Variants in AMD1 observed in about 807,000 individuals in gnomAD.
AMD1 encodes adenosylmethionine decarboxylase 1.
Under a neutral mutation model 40.2 loss-of-function variants are expected in AMD1, and 11 were observed. The ratio of observed to expected loss-of-function variants is 0.27; its 90% CI spans 0.17 to 0.45. The LOEUF (loss-of-function observed/expected upper bound fraction) is 0.45. Ranked by LOEUF, AMD1 falls within the 20% of genes least tolerant of loss-of-function variation. The pLI is 1.00. For missense variants in AMD1, 257 were observed against 410.2 expected (o/e 0.63, Z 3.23); for synonymous variants, 121 against 130.8 (o/e 0.93, Z 0.51).
At chr6:110,861,214 C>T in the AMD1 span, among the ~76,000 whole-genome samples, 5 of 152,132 alleles carry the variant, frequency 3.3e-5, no homozygotes, top group South Asian at 8.3e-4. Context: ...AAAAATTAGC[C>T]GGGCGTAGTG....
the AMD1 span, chr6:110,858,656 G>A: frequency 1.7e-6 from 2 of 1,178,998 alleles, no homozygotes; most frequent in African/African-American, 1.5e-5. Context: ...GCAGAGCGGG[G>A]TGGACATCGG....
the AMD1 span, among the ~76,000 whole-genome samples, chr6:110,860,870 C>CACAGAGAG: frequency 1.4e-5 from 2 of 142,680 alleles, no homozygotes; most frequent in South Asian, 2.2e-4. Context: ...CACACACACA[C>CACAGAGAG]AGAGAGAGAG....
the AMD1 span, among the ~76,000 whole-genome samples, chr6:110,855,728 C>T: frequency 6.6e-6 from 1 of 152,110 alleles, no homozygotes; most frequent in African/African-American, 2.4e-5. Context: ...CTTTTAAAAA[C>T]TGTTCCATCA....
At chr6:110,816,011 T>C in the AMD1 span, 1 of 152,206 alleles carries the variant, frequency 6.6e-6, no homozygotes, top group Non-Finnish European at 1.5e-5. Flanking sequence ...TCTTGATTGG[T>C]GATTGGATGT....
Position 110,875,164 on chromosome 6 carries a change from G to T in AMD1, c.59G>T (p.Arg20Leu). ...TEKLLEVWFS[R>L]QQPDANQGSG... ...AAGCTGCTGGAGGTTTGGTTCTCCC[G>T]GCAGCAGCCCGACGCAAACCAAGGA... Residue 20 changes from arginine to leucine, a missense_variant, in exon 1 of 9, where the codon CGG becomes CTG. By Grantham distance (102) the Arg-to-Leu change is moderately radical. Transcript: ENST00000368885. 1 of 1,613,318 alleles carries T rather than the reference G, an allele frequency of 6.2e-7. No individual in the cohort carries two copies. The highest frequency in any genetic ancestry group is 1.1e-5 in the South Asian group (1 of 90,962).
the AMD1 span, among the ~76,000 whole-genome samples, chr6:110,843,477 A>G: frequency 6.6e-6 from 1 of 151,970 alleles, no homozygotes; most frequent in East Asian, 1.9e-4. Flanking sequence ...AAAAAAAAAA[A>G]AAGTCAAAAA....
the AMD1 span, among the ~76,000 whole-genome samples, chr6:110,869,381 C>T: frequency 6.6e-6 from 1 of 152,182 alleles, no homozygotes; most frequent in African/African-American, 2.4e-5. Flanking sequence ...ATCCGCCCGC[C>T]TCGGCCTCCC....
the AMD1 span, among the ~76,000 whole-genome samples, chr6:110,829,229 C>G: frequency 6.6e-6 from 1 of 151,828 alleles, no homozygotes; most frequent in African/African-American, 2.4e-5. Context: ...GTATAGAATC[C>G]TAAGTGAAAA....
chr6:110,821,351 C>T, the AMD1 span, among the ~76,000 whole-genome samples: 1 of 152,182 alleles, frequency 6.6e-6, no homozygotes, highest in Non-Finnish European at 1.5e-5. Context: ...GTAATCCCAG[C>T]ACTTTGGGAG....
chr6:110,816,199 A>G, the AMD1 span, among the ~76,000 whole-genome samples: 1 of 152,204 alleles, frequency 6.6e-6, no homozygotes, highest in African/African-American at 2.4e-5. Flanking sequence ...CTCTTAGCAT[A>G]TGCGGTTCCC....
At chr6:110,880,758 C>T (rs137948357) in intron 1 of AMD1, among the ~76,000 whole-genome samples, 146 of 152,188 alleles carry the variant, frequency 9.6e-4, no homozygotes, top group East Asian at 7.7e-3. Context: ...CTGTAGCCTC[C>T]GCCTCCTGGG....
the AMD1 span, among the ~76,000 whole-genome samples, chr6:110,868,956 A>G: frequency 6.6e-6 from 1 of 151,474 alleles, no homozygotes; most frequent in Non-Finnish European, 1.5e-5. Context: ...GCTACTCGGG[A>G]GGCTGAAGCA....
chr6:110,829,369 C>CAA, the AMD1 span, among the ~76,000 whole-genome samples: 1 of 132,430 alleles, frequency 7.6e-6, no homozygotes, highest in Non-Finnish European at 1.6e-5. Context: ...CTATCTCTAC[C>CAA]AAAAAAAAAA....
Position 110,895,207 on chromosome 6 carries a change from A to G in AMD1, c.*1591A>G, listed in dbSNP as rs1006189579. The G allele has an allele frequency of 1.3e-5, 2 of 152,182 alleles. No homozygotes were observed. The highest frequency in any genetic ancestry group is 2.9e-5 in the Non-Finnish European group (2 of 68,036). 9.4% of individuals were successfully genotyped at this position (152,182 alleles called of 1,614,324 possible). ...AAACACCTTTTTTTAGTGTTTCTAA[A>G]CCTAAAATCTACTTGGTTTGAAATC... On this transcript the variant is annotated 3_prime_UTR_variant, in exon 9 of 9. Coordinates refer to ENST00000368885, the MANE Select transcript of AMD1 (RefSeq NM_001634.6).
intron 1 of AMD1, among the ~76,000 whole-genome samples, chr6:110,881,690 A>G (rs1417281721): frequency 6.6e-6 from 1 of 151,976 alleles, no homozygotes; most frequent in Non-Finnish European, 1.5e-5. Context: ...ACATGGTGGC[A>G]GATGCCTGTA....
chr6:110,845,625 A>G, the AMD1 span, among the ~76,000 whole-genome samples: 2 of 151,932 alleles, frequency 1.3e-5, no homozygotes, highest in Admixed American at 1.3e-4. Flanking sequence ...ACTCCTAATA[A>G]TTTTCTCTAT....
the AMD1 span, among the ~76,000 whole-genome samples, chr6:110,840,267 G>A: frequency 3.3e-5 from 5 of 152,130 alleles, no homozygotes; most frequent in African/African-American, 9.6e-5. Context: ...CCAGTTGGGT[G>A]TCCTCCAATT....
the AMD1 span, among the ~76,000 whole-genome samples, chr6:110,823,266 A>C: frequency 1.3e-5 from 2 of 152,226 alleles, no homozygotes; most frequent in East Asian, 3.8e-4. Context: ...CACAGCCAAC[A>C]TCACACTGAA....
At chr6:110,855,400 A>G in the AMD1 span, among the ~76,000 whole-genome samples, 1 of 152,202 alleles carries the variant, frequency 6.6e-6, no homozygotes, top group Admixed American at 6.5e-5. Context: ...ATAGCTTTTA[A>G]ACAAAATTTG....
Sources: gnomAD v4.1 joint callset for allele counts (sites outside exome capture counted in the v4.1 genomes callset) on GRCh38, gnomAD v4.1.1 for gene constraint, MANE v1.5 for transcripts, NCBI Gene and HGNC (gene_info 2026-07-23, HGNC 2026-07-21) for gene names.